The following NPSR1 variants were observed in gnomAD, a reference collection of about 807,000 sequenced individuals.
NPSR1 encodes the protein neuropeptide S receptor.
In NPSR1, 48 loss-of-function variants were observed where a neutral mutation model predicts 46.9. That is an observed-to-expected ratio of 1.02 (90% confidence interval 0.81 to 1.30). The LOEUF (loss-of-function observed/expected upper bound fraction) is 1.30, where lower values mean the gene tolerates loss of function less well. NPSR1 is among the 50% of genes most tolerant of loss of function. The probability of loss-of-function intolerance (pLI) is 0.00; values close to 1 mark genes in which losing one functional copy is unlikely to be tolerated. For synonymous variants in NPSR1, 176 were observed against 168.1 expected (o/e 1.05, Z -0.36); for missense variants, 450 against 449.5 (o/e 1.00, Z -0.01).
intron 2 of NPSR1, among the ~76,000 whole-genome samples, chr7:34,706,957 G>T (rs1562666609): frequency 1.3e-5 from 2 of 151,960 alleles, no homozygotes; most frequent in Non-Finnish European, 2.9e-5. Context: ...AGAAGAGCTG[G>T]GTGGGCCATG....
At chr7:34,812,492 T>A (rs1789035222) in intron 4 of NPSR1, among the ~76,000 whole-genome samples, 1 of 152,104 alleles carries the variant, frequency 6.6e-6, no homozygotes, top group Admixed American at 6.5e-5. Flanking sequence ...ACAGGCTGCA[T>A]CAATGTGGAG....
intron 1 of NPSR1, among the ~76,000 whole-genome samples, chr7:34,683,914 A>C (rs1370701308): frequency 6.6e-6 from 1 of 152,220 alleles, no homozygotes; most frequent in East Asian, 1.9e-4. Context: ...CTTCAGTAGA[A>C]CTTTAATATT....
chr7:34,724,112 A>C (rs2128709534), intron 2 of NPSR1, among the ~76,000 whole-genome samples: 1 of 152,210 alleles, frequency 6.6e-6, no homozygotes, highest in East Asian at 1.9e-4. Context: ...AATCACCCAA[A>C]CCTGAATTAC....
chr7:34,737,185 T>C (rs1784719082), intron 2 of NPSR1, among the ~76,000 whole-genome samples: 1 of 152,150 alleles, frequency 6.6e-6, no homozygotes, highest in African/African-American at 2.4e-5. Flanking sequence ...ATGAGTAAAC[T>C]CTCCATGTGA....
rs1554336624 is a variant in NPSR1 at position 34,826,900 on chromosome 7, AAAG to A, written c.479-498_479-496del. Among the ~76,000 whole-genome samples, 5 of 151,992 alleles carry A rather than the reference AAAG, an allele frequency of 3.3e-5. No individual in the cohort carries two copies. In the South Asian group the frequency reaches 8.3e-4, roughly 25 times the overall value. On this transcript the variant is annotated intron_variant, in intron 4 of 8. Coordinates refer to ENST00000360581, the MANE Select transcript of NPSR1 (RefSeq NM_207172.2). ...CCATGTTCCTACCAAAAAAAAAAAA[AAAG>A]AAAGAAGTTTCCTTCCCATTTGGCA...
At chr7:34,877,811 C>A (rs1278244465) in intron 8 of NPSR1, among the ~76,000 whole-genome samples, 1 of 152,092 alleles carries the variant, frequency 6.6e-6, no homozygotes, top group African/African-American at 2.4e-5. Context: ...GGCCACAATG[C>A]CAGTTGTCAC....
At chr7:34,826,411 G>A (rs898098870) in intron 4 of NPSR1, among the ~76,000 whole-genome samples, 2 of 152,080 alleles carry the variant, frequency 1.3e-5, no homozygotes, top group Non-Finnish European at 2.9e-5. Context: ...TCAACACACT[G>A]TCGAACAACA....
intron 8 of NPSR1, among the ~76,000 whole-genome samples, chr7:34,872,940 T>C (rs1471423206): frequency 1.3e-5 from 2 of 150,512 alleles, no homozygotes; most frequent in Non-Finnish European, 3.0e-5. Flanking sequence ...TTTCAGGTCA[T>C]TTCTTTGCTT....
At chr7:34,865,507 T>G (rs1791291091) in intron 8 of NPSR1, among the ~76,000 whole-genome samples, 1 of 151,786 alleles carries the variant, frequency 6.6e-6, no homozygotes, top group Non-Finnish European at 1.5e-5. Context: ...GTGAGGGAGC[T>G]TCTTTCCAGA....
At chr7:34,788,362 C>T (rs1230040541) in intron 3 of NPSR1, among the ~76,000 whole-genome samples, 2 of 151,360 alleles carry the variant, frequency 1.3e-5, no homozygotes, top group East Asian at 3.9e-4. Context: ...AAAAAAAACA[C>T]ACAAAGCAGA....
chr7:34,792,679 A>ATATATATATTTT (rs1562733213), intron 3 of NPSR1, among the ~76,000 whole-genome samples: 1 of 121,962 alleles, frequency 8.2e-6, no homozygotes, highest in African/African-American at 3.1e-5. Context: ...ATATATGTAT[A>ATATATATATTTT]TATATATATG....
At position 34,848,586 on chromosome 7, in the gene NPSR1, GA is replaced by G; in HGVS notation, c.950del (p.Asn317ThrfsTer5). The G allele has an allele frequency of 6.2e-7, 1 of 1,614,138 alleles. No individual in the cohort carries two copies. The highest frequency in any genetic ancestry group is 1.1e-5 in the South Asian group (1 of 91,078). On this transcript the variant is annotated frameshift_variant, in exon 8 of 9. Transcript: ENST00000360581. LOFTEE classifies it high-confidence loss of function. ...ERFYASVIIQNLPALNSAINP... is the reference protein window; with the variant it reads ...ERFYASVIIQXLPALNSAINP... Reference sequence around the variant, plus strand: ...GTTTCTATGCCTCTGTGATCATTCAGAACCTGCCAGCATTGAATAGTGCCAT... The same window carrying G: ...GTTTCTATGCCTCTGTGATCATTCAGACCTGCCAGCATTGAATAGTGCCAT...
chr7:34,797,657 A>C (rs1402126490), intron 3 of NPSR1, among the ~76,000 whole-genome samples: 1 of 152,214 alleles, frequency 6.6e-6, no homozygotes, highest in East Asian at 1.9e-4. Context: ...GGCAAACACC[A>C]ATCCAGAGAT....
intron 4 of NPSR1, among the ~76,000 whole-genome samples, chr7:34,827,160 A>G (rs1460329973): frequency 6.6e-6 from 1 of 152,180 alleles, no homozygotes; most frequent in African/African-American, 2.4e-5. Flanking sequence ...AGGAAAGAAA[A>G]AGCACCAACC....
intron 2 of NPSR1, among the ~76,000 whole-genome samples, chr7:34,718,126 CATTTTA>C: frequency 6.6e-6 from 1 of 152,228 alleles, no homozygotes; most frequent in African/African-American, 2.4e-5. Context: ...AGATATTTAT[CATTTTA>C]AAAGTTAAAG....
chr7:34,856,812 A>T (rs990812157), intron 8 of NPSR1, among the ~76,000 whole-genome samples: 1 of 151,654 alleles, frequency 6.6e-6, no homozygotes, highest in Non-Finnish European at 1.5e-5. Flanking sequence ...AATTAGGCAG[A>T]TAAGGAAACT....
At chr7:34,769,884 C>A (rs1583983347) in intron 2 of NPSR1, among the ~76,000 whole-genome samples, 2 of 152,162 alleles carry the variant, frequency 1.3e-5, no homozygotes, top group East Asian at 3.8e-4. Context: ...GGTGATTAAG[C>A]CTTTAAAGTG....
intron 3 of NPSR1, among the ~76,000 whole-genome samples, chr7:34,781,600 A>T (rs182307836): frequency 2.0e-4 from 31 of 152,256 alleles, no homozygotes; most frequent in Non-Finnish European, 3.5e-4. Flanking sequence ...CTGAGTAACC[A>T]ACAGTCATTC....
chr7:34,701,414 T>C (rs1793824087), intron 2 of NPSR1, among the ~76,000 whole-genome samples: 1 of 152,188 alleles, frequency 6.6e-6, no homozygotes, highest in East Asian at 1.9e-4. Flanking sequence ...AACCCATTCA[T>C]CTTTCCCCAG....
Sources: allele counts gnomAD v4.1 joint callset (sites outside exome capture counted in the v4.1 genomes callset), GRCh38; gene constraint gnomAD v4.1.1; transcripts MANE v1.5; gene names NCBI Gene and HGNC (gene_info 2026-07-23, HGNC 2026-07-21).